The following AK8 variants were observed in gnomAD, a reference collection of about 807,000 sequenced individuals.
AK8 encodes ATP-AMP transphosphorylase 8.
Under a neutral mutation model 54.6 loss-of-function variants are expected in AK8, and 44 were observed. The ratio of observed to expected loss-of-function variants is 0.81; its 90% CI spans 0.63 to 1.04. The LOEUF (loss-of-function observed/expected upper bound fraction) is 1.04. Among genes scored for constraint, AK8 ranks in the 50% least tolerant of loss-of-function variants. AK8 has a pLI of 0.00. For synonymous variants in AK8, 239 were observed against 245.6 expected (o/e 0.97, Z 0.25); for missense variants, 555 against 613.6 (o/e 0.90, Z 1.01).
chr9:132,812,142 T>A (rs1209005228), intron 10 of AK8, among the ~76,000 whole-genome samples: 3 of 145,676 alleles, frequency 2.1e-5, no homozygotes, highest in Admixed American at 2.0e-4. Context: ...CCCATCCCAG[T>A]AAATGGGAAT....
rs142576458 is a variant in AK8 at position 132,794,796 on chromosome 9, G to A, written c.980-2021C>T. On this transcript the variant is annotated intron_variant, in intron 10 of 12. Coordinates refer to ENST00000298545, the MANE Select transcript of AK8 (RefSeq NM_152572.3). Reference sequence around the variant, plus strand: ...GTTGTAGACAGAACATGGGCTTGGGGCATTCACAAATCCAGGTCTCATCTC... The same window carrying A: ...GTTGTAGACAGAACATGGGCTTGGGACATTCACAAATCCAGGTCTCATCTC... Among the ~76,000 whole-genome samples, 350 of 152,302 alleles carry A rather than the reference G, an allele frequency of 2.3e-3. 2 individuals carry two copies. The highest frequency in any genetic ancestry group is 8.1e-3 in the African/African-American group (335 of 41,554).
chr9:132,748,423 C>T (rs1338520680), intron 11 of AK8, among the ~76,000 whole-genome samples: 1 of 151,682 alleles, frequency 6.6e-6, no homozygotes, highest in Non-Finnish European at 1.5e-5. Flanking sequence ...GACGACCTTT[C>T]ACCCAGGTGC....
At position 132,752,149 on chromosome 9, in the gene AK8, G is replaced by A. The variant is rs199653594; in HGVS notation, c.1122-24615C>T. On this transcript the variant is annotated intron_variant, in intron 11 of 12. Coordinates refer to ENST00000298545, the MANE Select transcript of AK8 (RefSeq NM_152572.3). ...GAGCCACCGTGCCCAGCCAAGACCT[G>A]TTTAGAGTAGTTTTTAAAATATTGG... Among the ~76,000 whole-genome samples, 106 of 44,618 alleles carry A rather than the reference G, an allele frequency of 2.4e-3. 2 individuals carry two copies. In the East Asian group the frequency reaches 0.068, roughly 28 times the overall value. 29.3% of individuals were successfully genotyped at this position (44,618 alleles called of 152,430 possible). A position where few individuals can be genotyped will look rare whatever the true frequency, so the allele number is the denominator to read the frequency against.
At chr9:132,742,094 C>T (rs906083739) in intron 11 of AK8, among the ~76,000 whole-genome samples, 7 of 151,884 alleles carry the variant, frequency 4.6e-5, no homozygotes, top group South Asian at 2.1e-4. Flanking sequence ...CTTCATTCCT[C>T]GTGCAGCCAA....
chr9:132,754,403 G>A (rs1295494160), intron 11 of AK8, among the ~76,000 whole-genome samples: 1 of 152,136 alleles, frequency 6.6e-6, no homozygotes, highest in Non-Finnish European at 1.5e-5. Context: ...TGAGAGGTGT[G>A]GGCACCCAGC....
chr9:132,796,199 G>A (rs913925205), intron 10 of AK8, among the ~76,000 whole-genome samples: 3 of 152,204 alleles, frequency 2.0e-5, no homozygotes, highest in Non-Finnish European at 2.9e-5. Context: ...CAACTGTTCT[G>A]CTGCCTCATT....
At chr9:132,792,839 A>G in intron 10 of AK8, 64 bp from the exon 11 acceptor site, 1 of 1,499,274 alleles carries the variant, frequency 6.7e-7, no homozygotes, top group African/African-American at 1.4e-5. Context: ...TGGGCTTCCT[A>G]ACTTTACTTG....
At chr9:132,838,419 T>C (rs1842410254) in intron 5 of AK8, among the ~76,000 whole-genome samples, 1 of 152,168 alleles carries the variant, frequency 6.6e-6, no homozygotes, top group Non-Finnish European at 1.5e-5. Flanking sequence ...TTGCATTTCA[T>C]GTTCAGTAAA....
At chr9:132,825,615 C>T (rs2131299323) in intron 8 of AK8, among the ~76,000 whole-genome samples, 1 of 152,260 alleles carries the variant, frequency 6.6e-6, no homozygotes, top group South Asian at 2.1e-4. Context: ...TGGCTGATTG[C>T]TCCCTTCAGA....
chr9:132,814,815 A>G, intron 9 of AK8, 88 bp from the exon 10 acceptor site: 2 of 1,101,002 alleles, frequency 1.8e-6, no homozygotes, highest in Non-Finnish European at 2.6e-6. Context: ...CTGCCTGCTG[A>G]GGGAAAAAAA....
chr9:132,878,222 G>T lies in AK8; in HGVS notation c.34C>A (p.Pro12Thr), dbSNP rs370307434. 7 of 1,458,454 alleles carry T rather than the reference G, an allele frequency of 4.8e-6. No homozygotes were observed. In the African/African-American group the frequency reaches 5.9e-5, roughly 12 times the overall value. 90.3% of individuals were successfully genotyped at this position (1,458,454 alleles called of 1,614,324 possible). The change falls in exon 1 of 13, where the codon CCC (proline) becomes ACC (threonine). Residue 12 changes from proline to threonine, a missense_variant. By Grantham distance (38) the Pro-to-Thr change is conservative (BLOSUM62 -1). Transcript: ENST00000298545. The surrounding 1 kb of genome is among the most constrained non-coding windows in gnomAD (Gnocchi z 4.7). ...DATIAPHRIP[P>T]EMPQYGEENH... The stretch of plus-strand genomic sequence containing the variant: ...TCCTCCCCGTACTGGGGCATCTCGG[G>T]GGGGATACGGTGCGGGGCGATAGTG...
At chr9:132,832,537 T>C (rs1842151897) in intron 5 of AK8, among the ~76,000 whole-genome samples, 1 of 152,224 alleles carries the variant, frequency 6.6e-6, no homozygotes, top group African/African-American at 2.4e-5. Context: ...TGTGAGCCCA[T>C]TGATTGCTGC....
chr9:132,863,857 C>T, intron 3 of AK8, 79 bp from the exon 4 acceptor site: 9 of 1,077,644 alleles, frequency 8.4e-6, no homozygotes, highest in Non-Finnish European at 1.2e-5. Context: ...TGCCCTGGTC[C>T]TTCCCTCTCC....
rs992208213 is a variant in AK8 at position 132,828,579 on chromosome 9, G to A, written c.484+66C>T. ...GGTCAGGAGCAGGCAGCATGAGCGG[G>A]GCGCTCACTGGCCACCCCTTGGGGC... On this transcript the variant is annotated intron_variant, in intron 6 of 12. Transcript: ENST00000298545. 9.2e-6 allele frequency: 13 copies of A among 1,418,246 alleles called. No individual in the cohort carries two copies. In the Admixed American group the frequency reaches 2.7e-4, roughly 29 times the overall value. 87.9% of individuals were successfully genotyped at this position (1,418,246 alleles called of 1,614,324 possible).
chr9:132,743,894 A>G (rs1272440544), intron 11 of AK8, among the ~76,000 whole-genome samples: 2 of 152,062 alleles, frequency 1.3e-5, no homozygotes, highest in Non-Finnish European at 2.9e-5. Context: ...AATCTAGGAC[A>G]CTCCGTTGCT....
At chr9:132,810,192 T>G (rs1033349748) in intron 10 of AK8, among the ~76,000 whole-genome samples, 2 of 152,240 alleles carry the variant, frequency 1.3e-5, no homozygotes, top group African/African-American at 4.8e-5. Context: ...TGATATTGGT[T>G]GTTGTTGTGT....
chr9:132,780,029 C>T (rs1391747756), intron 11 of AK8, among the ~76,000 whole-genome samples: 3 of 152,112 alleles, frequency 2.0e-5, no homozygotes, highest in African/African-American at 4.8e-5. Flanking sequence ...CATTATTACT[C>T]TTGTTGTCAA....
rs574536936 is a variant in AK8 at position 132,860,118 on chromosome 9, G to A, written c.333+3547C>T. Among the ~76,000 whole-genome samples the A allele has an allele frequency of 1.2e-4, 19 of 152,194 alleles. No homozygotes were observed. The highest frequency in any genetic ancestry group is 3.9e-4 in the Admixed American group (6 of 15,292). On this transcript the variant is annotated intron_variant, in intron 4 of 12. Transcript: ENST00000298545. This position sits in a 1 kb window ranked among gnomAD's most constrained non-coding sequence, Gnocchi z 4.4. ...GCCAATGACCTTGGCTGGTGTCCAG[G>A]GACAGCCAGCGTCTTCAGGGCATCA...
At chr9:132,828,824 A>G (rs1841987996) in intron 5 of AK8, 98 bp from the exon 6 acceptor site, 1 of 911,152 alleles carries the variant, frequency 1.1e-6, no homozygotes, top group African/African-American at 1.7e-5. Flanking sequence ...AAAGACTAGA[A>G]CTTTTAAGAC....
Sources: allele counts gnomAD v4.1 joint callset (sites outside exome capture counted in the v4.1 genomes callset), GRCh38; gene constraint gnomAD v4.1.1; non-coding constraint Gnocchi (gnomAD v3.1); transcripts MANE v1.5; gene names NCBI Gene and HGNC (gene_info 2026-07-23, HGNC 2026-07-21).